The following GYS2 variants were observed in gnomAD, a reference collection of about 807,000 sequenced individuals.
GYS2 encodes the protein glycogen [starch] synthase, liver.
A neutral mutation model predicts 85.6 loss-of-function variants in GYS2; 80 were observed. The ratio of observed to expected loss-of-function variants is 0.93; its 90% confidence interval spans 0.78 to 1.13. The LOEUF (loss-of-function observed/expected upper bound fraction) is 1.13, where lower values mean the gene tolerates loss of function less well. Among genes scored for constraint, GYS2 ranks in the 50% most tolerant of loss-of-function variants. The probability of loss-of-function intolerance (pLI) is 0.00; values close to 1 mark genes in which losing one functional copy is unlikely to be tolerated. For missense variants in GYS2, 881 were observed against 854.9 expected, an observed-to-expected ratio of 1.03 and a Z score of -0.38; for synonymous variants, 328 against 300.7, an observed-to-expected ratio of 1.09 and a Z score of -0.94.
At position 21,546,557 on chromosome 12, in the gene GYS2, C is replaced by G. The variant is rs3765089; in HGVS notation, c.1423-87G>C. On this transcript the variant is annotated intron_variant, in intron 11 of 15. Transcript: ENST00000261195. Reference sequence around the variant, plus strand: ...CCTACAATTTGGTTATTTCAGTACTCTACTATAGAATCCTTATGTTCTAGA... The same window carrying G: ...CCTACAATTTGGTTATTTCAGTACTGTACTATAGAATCCTTATGTTCTAGA... 126,024 of 774,296 alleles carry G rather than the reference C, an allele frequency of 0.16. 11,610 individuals are homozygous for G. Among genetic ancestry groups the G allele is most frequent in the African/African-American group, 0.26 (14,892 of 56,490 alleles). The allele number at this position is 774,296 out of a possible 1,614,324, so 48.0% of individuals were successfully genotyped here.
intron 2 of GYS2, among the ~76,000 whole-genome samples, chr12:21,577,990 T>C (rs1011601903): frequency 1.3e-5 from 2 of 152,176 alleles, no homozygotes; most frequent in African/African-American, 4.8e-5. Context: ...TACTTGACCT[T>C]ATGGACTTAA....
At chr12:21,556,373 G>A (rs901698113) in intron 11 of GYS2, among the ~76,000 whole-genome samples, 7 of 152,050 alleles carry the variant, frequency 4.6e-5, no homozygotes, top group African/African-American at 1.2e-4. Flanking sequence ...GTTTCACCAT[G>A]TTGCCCAGGC....
chr12:21,582,297 G>A (rs953294241), intron 1 of GYS2, among the ~76,000 whole-genome samples: 2 of 152,280 alleles, frequency 1.3e-5, no homozygotes, highest in Non-Finnish European at 1.5e-5. Flanking sequence ...GGGGAAGGCA[G>A]ACCCACCCTT....
intron 1 of GYS2, among the ~76,000 whole-genome samples, chr12:21,597,035 A>G (rs1944704527): frequency 6.6e-6 from 1 of 152,066 alleles, no homozygotes; most frequent in Non-Finnish European, 1.5e-5. Flanking sequence ...ACCCCTATTT[A>G]TTGCCATATA....
intron 14 of GYS2, among the ~76,000 whole-genome samples, chr12:21,539,711 G>T (rs1943950308): frequency 6.6e-6 from 1 of 152,116 alleles, no homozygotes; most frequent in African/African-American, 2.4e-5. Context: ...TCAGACCTTA[G>T]GCAAGAAACA....
At position 21,546,461 on chromosome 12, in the gene GYS2, G is replaced by T. The variant is rs763173209; in HGVS notation, c.1432C>A (p.His478Asn). The change falls in exon 12 of 16, where the codon CAC (histidine) becomes AAC (asparagine). Residue 478 changes from histidine to asparagine, a missense_variant. By Grantham distance (68) the His-to-Asn change is moderately conservative. Transcript: ENST00000261195. ...NRTDRVKVILHPEFLSSTSPL... is the reference protein window; with the variant it reads ...NRTDRVKVILNPEFLSSTSPL... Reference sequence around the variant, plus strand: ...CTGGTGGAGGATAGAAACTCTGGGTGCAAAATCACCTAAAAAAGGAAAATT... The same window carrying T: ...CTGGTGGAGGATAGAAACTCTGGGTTCAAAATCACCTAAAAAAGGAAAATT... 5.0e-6 allele frequency: 8 copies of T among 1,596,092 alleles called. No individual in the cohort carries two copies. Among genetic ancestry groups the T allele is most frequent in the Non-Finnish European group, 6.0e-6 (7 of 1,166,868 alleles).
chr12:21,582,537 GA>G (rs1447147244), intron 1 of GYS2, among the ~76,000 whole-genome samples: 1 of 151,866 alleles, frequency 6.6e-6, no homozygotes, highest in African/African-American at 2.4e-5. Flanking sequence ...GTGAACATGT[GA>G]GTCAATACTA....
At chr12:21,544,268 C>T (rs73236802) in intron 12 of GYS2, among the ~76,000 whole-genome samples, 4,873 of 152,250 alleles carry the variant, frequency 0.032, 238 homozygotes, top group African/African-American at 0.1. Flanking sequence ...CACAGCATGA[C>T]TCATTCACTA....
intron 2 of GYS2, among the ~76,000 whole-genome samples, chr12:21,579,738 C>G (rs1017344941): frequency 6.6e-6 from 1 of 152,160 alleles, no homozygotes; most frequent in Non-Finnish European, 1.5e-5. Flanking sequence ...CCTTCAACCT[C>G]TGCTTTCATT....
intron 1 of GYS2, among the ~76,000 whole-genome samples, chr12:21,586,323 G>A (rs1291833651): frequency 6.6e-6 from 1 of 152,078 alleles, no homozygotes; most frequent in Non-Finnish European, 1.5e-5. Context: ...ACTTGGACTG[G>A]CTTCCTTGCT....
At chr12:21,543,088 A>T (rs1026899798) in intron 12 of GYS2, among the ~76,000 whole-genome samples, 12 of 152,210 alleles carry the variant, frequency 7.9e-5, no homozygotes, top group African/African-American at 2.9e-4. Flanking sequence ...CTCTCTCAGG[A>T]GCTCAATAAA....
chr12:21,591,775 T>C (rs1373272853), intron 1 of GYS2, among the ~76,000 whole-genome samples: 1 of 152,000 alleles, frequency 6.6e-6, no homozygotes, highest in Admixed American at 6.6e-5. Flanking sequence ...TTCCACAAGA[T>C]TAACAGATTA....
intron 1 of GYS2, among the ~76,000 whole-genome samples, chr12:21,584,814 G>A (rs375114225): frequency 2.0e-5 from 3 of 152,130 alleles, no homozygotes; most frequent in African/African-American, 7.2e-5. Flanking sequence ...ACAGAATGCC[G>A]TATCCACTGT....
rs149366711 is a variant in GYS2, at chr12:21,585,206, T to C, written c.122-4683A>G. On this transcript the variant is annotated intron_variant, in intron 1 of 15. Transcript: ENST00000261195. ...TTCCTGTTCCCATGGCATTATGTTC[T>C]GCTGGCTTAGAGGTCTTAGTTCCAG... 3.6e-3 allele frequency among the ~76,000 whole-genome samples: 546 copies of C among 152,326 alleles called. 1 individual carries two copies. The highest frequency in any genetic ancestry group is 0.012 in the African/African-American group (505 of 41,572).
Position 21,580,418 on chromosome 12 carries a change from G to C in GYS2, c.227C>G (p.Thr76Ser). The C allele has an allele frequency of 6.2e-7, 1 of 1,613,386 alleles. No homozygotes were observed. The highest frequency in any genetic ancestry group is 1.1e-5 in the South Asian group (1 of 91,074). ...TACAGGTTCACACTGTTCCACCTGA[G>C]TCTTCATATTATGCTCAAAATATGG... ...IGPYFEHNMK[T>S]QVEQCEPVND... Residue 76 changes from threonine to serine, a missense_variant, in exon 2 of 16, where the codon ACT becomes AGT. By Grantham distance (58) the Thr-to-Ser change is moderately conservative. Coordinates refer to ENST00000261195, the MANE Select transcript of GYS2 (RefSeq NM_021957.4).
intron 1 of GYS2, among the ~76,000 whole-genome samples, chr12:21,589,439 T>G (rs1198253605): frequency 6.6e-6 from 1 of 152,134 alleles, no homozygotes; most frequent in African/African-American, 2.4e-5. Context: ...CTTAAAAAAT[T>G]TCAAGGGAAG....
intron 5 of GYS2, among the ~76,000 whole-genome samples, chr12:21,564,092 A>C (rs1463072632): frequency 6.6e-6 from 1 of 152,228 alleles, no homozygotes; most frequent in Non-Finnish European, 1.5e-5. Context: ...CACTCTGAGC[A>C]TATGACGGAA....
intron 1 of GYS2, among the ~76,000 whole-genome samples, chr12:21,600,572 G>A (rs1944744877): frequency 6.6e-6 from 1 of 152,092 alleles, no homozygotes; most frequent in Admixed American, 6.6e-5. Context: ...GAAAACTTCT[G>A]TGTTAACAAA....
At chr12:21,561,139 C>A (rs1469397198) in intron 7 of GYS2, among the ~76,000 whole-genome samples, 1 of 152,144 alleles carries the variant, frequency 6.6e-6, no homozygotes, top group African/African-American at 2.4e-5. Flanking sequence ...TACTAATAAT[C>A]ATGTACAATA....
Sources: allele counts gnomAD v4.1 joint callset (sites outside exome capture counted in the v4.1 genomes callset), GRCh38; gene constraint gnomAD v4.1.1; transcripts MANE v1.5; gene names NCBI Gene and HGNC (gene_info 2026-07-23, HGNC 2026-07-21).